The following DTWD2 variants were observed in gnomAD, a reference collection of about 807,000 sequenced individuals.
The protein encoded by DTWD2 is DTW motif tRNA-uridine aminocarboxypropyltransferase 2, also known as tRNA-uridine aminocarboxypropyltransferase 2.
A neutral mutation model predicts 31.8 loss-of-function variants in DTWD2; 39 were observed. That is an observed-to-expected ratio of 1.22 (90% CI 0.95 to 1.60). The LOEUF (loss-of-function observed/expected upper bound fraction) is 1.60. DTWD2 is among the 40% of genes most tolerant of loss of function. DTWD2 has a pLI of 0.00. For missense variants in DTWD2, 515 were observed against 381.5 expected (o/e 1.35, Z -2.92); for synonymous variants, 180 against 142.8 (o/e 1.26, Z -1.86).
intron 4 of DTWD2, among the ~76,000 whole-genome samples, chr5:118,878,845 T>A (rs1358610884): frequency 6.6e-6 from 1 of 152,084 alleles, no homozygotes; most frequent in Non-Finnish European, 1.5e-5. Flanking sequence ...ATATGAACAC[T>A]TCAAAAGAAG....
intron 4 of DTWD2, among the ~76,000 whole-genome samples, chr5:118,909,678 G>C (rs1753415851): frequency 6.6e-6 from 1 of 152,188 alleles, no homozygotes; most frequent in Non-Finnish European, 1.5e-5. Context: ...CCCAGTGCCA[G>C]ATCCATAAGC....
Position 118,839,406 on chromosome 5 carries a change from G to C in DTWD2, c.*1511C>G, listed in dbSNP as rs915533207. 6.6e-6 allele frequency: 1 copy of C among 152,130 alleles called. No homozygotes were observed. The highest frequency in any genetic ancestry group is 1.5e-5 in the Non-Finnish European group (1 of 68,032). The allele number at this position is 152,130 out of a possible 1,614,324, so 9.4% of individuals were successfully genotyped here. A position where few individuals can be genotyped will look rare whatever the true frequency, so the allele number is the denominator to read the frequency against. On this transcript the variant is annotated 3_prime_UTR_variant, in exon 6 of 6. Coordinates refer to ENST00000510708, the MANE Select transcript of DTWD2 (RefSeq NM_173666.4). ...GTCTCACTCTGTAGCCCAGGCTGGA[G>C]TGCAGTGGAATGAACATAGCTCCTT...
chr5:118,908,061 T>A (rs960023324), intron 4 of DTWD2, among the ~76,000 whole-genome samples: 1 of 152,166 alleles, frequency 6.6e-6, no homozygotes, highest in Non-Finnish European at 1.5e-5. Flanking sequence ...TGAAGATGCC[T>A]TGCACCTCTA....
chr5:118,885,108 A>G (rs1301605179), intron 4 of DTWD2, among the ~76,000 whole-genome samples: 1 of 151,556 alleles, frequency 6.6e-6, no homozygotes, highest in Non-Finnish European at 1.5e-5. Flanking sequence ...CAAGAGTTCA[A>G]GACCAGCCTC....
chr5:118,841,134 G>A (rs1483629794), intron 5 of DTWD2, 47 bp from the exon 6 acceptor site: 2 of 1,554,684 alleles, frequency 1.3e-6, no homozygotes, highest in Non-Finnish European at 1.7e-6. Context: ...GACAAATCAT[G>A]ATATTCTATC....
chr5:118,854,995 C>G (rs1035991385), intron 4 of DTWD2, among the ~76,000 whole-genome samples: 1 of 151,484 alleles, frequency 6.6e-6, no homozygotes, highest in African/African-American at 2.4e-5. Context: ...GGCAACAGGC[C>G]AGTGCCCAGG....
chr5:118,870,647 T>C (rs1561434490), intron 4 of DTWD2, among the ~76,000 whole-genome samples: 1 of 152,326 alleles, frequency 6.6e-6, no homozygotes, highest in East Asian at 1.9e-4. Flanking sequence ...CCTCCTTTGG[T>C]GGAGGGTCTT....
intron 4 of DTWD2, among the ~76,000 whole-genome samples, chr5:118,893,768 G>A (rs1446437655): frequency 6.6e-6 from 1 of 152,052 alleles, no homozygotes; most frequent in Non-Finnish European, 1.5e-5. Flanking sequence ...AATGAATGGA[G>A]AGGACCACAA....
At chr5:118,902,624 T>C (rs1016496408) in intron 4 of DTWD2, among the ~76,000 whole-genome samples, 1 of 152,114 alleles carries the variant, frequency 6.6e-6, no homozygotes, top group Non-Finnish European at 1.5e-5. Context: ...AGTAAAAGCA[T>C]GAAACTTTTT....
chr5:118,952,617 A>T (rs536801586), intron 1 of DTWD2, among the ~76,000 whole-genome samples: 1 of 152,272 alleles, frequency 6.6e-6, no homozygotes, highest in African/African-American at 2.4e-5. Flanking sequence ...CTGGATGTAA[A>T]CATGCAGGCT....
In DTWD2 at chr5:118,839,655, C is replaced by A. The variant is rs1283787511; in HGVS notation, c.*1262G>T. 1 of 152,136 alleles carries A rather than the reference C, an allele frequency of 6.6e-6. No homozygotes were observed. The highest frequency in any genetic ancestry group is 1.5e-5 in the Non-Finnish European group (1 of 68,038). The allele number at this position is 152,136 out of a possible 1,614,324, so 9.4% of individuals were successfully genotyped here. On this transcript the variant is annotated 3_prime_UTR_variant, in exon 6 of 6. Transcript: ENST00000510708. ...GGGATTACAGGTGTGAGCTAATGGGCCCAGCCCTAATTTGTTTTTAAATCC... is the reference window on the plus strand; with the variant it reads ...GGGATTACAGGTGTGAGCTAATGGGACCAGCCCTAATTTGTTTTTAAATCC...
chr5:118,928,465 CT>C (rs1753853065), intron 4 of DTWD2, 71 bp downstream of exon 4: 1 of 1,099,578 alleles, frequency 9.1e-7, no homozygotes, highest in Non-Finnish European at 1.2e-6. Context: ...ATGTGTATCC[CT>C]TCACAGAAAA....
At chr5:118,925,646 C>T (rs1252424579) in intron 4 of DTWD2, among the ~76,000 whole-genome samples, 1 of 151,854 alleles carries the variant, frequency 6.6e-6, no homozygotes, top group African/African-American at 2.4e-5. Context: ...GAAATCGAGA[C>T]CATCCTGGCT....
chr5:118,962,023 T>C (rs562683058), intron 1 of DTWD2, among the ~76,000 whole-genome samples: 2 of 152,122 alleles, frequency 1.3e-5, no homozygotes, highest in African/African-American at 2.4e-5. Context: ...GGGAGGATCA[T>C]CTGAGGTCAG....
chr5:118,931,011 A>G (rs1475133319), intron 3 of DTWD2, among the ~76,000 whole-genome samples: 1 of 152,132 alleles, frequency 6.6e-6, no homozygotes, highest in Non-Finnish European at 1.5e-5. Context: ...GTACATTTTA[A>G]ATTGGTAAGT....
rs117007243 is a variant in DTWD2 at position 118,932,096 on chromosome 5, A to G, written c.405-3367T>C. ...AAAAGCACTGCTTAGAGAGATATTC[A>G]TAGCATTAAAATGCACATTAAGAAA... On this transcript the variant is annotated intron_variant, in intron 3 of 5. Coordinates refer to ENST00000510708, the MANE Select transcript of DTWD2 (RefSeq NM_173666.4). 4.2e-3 allele frequency among the ~76,000 whole-genome samples: 636 copies of G among 152,292 alleles called. 8 individuals carry two copies. Among genetic ancestry groups the G allele is most frequent in the East Asian group, 0.03 (156 of 5,184 alleles).
chr5:118,851,362 TGG>T (rs541521683), intron 4 of DTWD2, among the ~76,000 whole-genome samples: 92 of 152,086 alleles, frequency 6.0e-4, no homozygotes, highest in African/African-American at 2.0e-3. Flanking sequence ...ATTTTACATC[TGG>T]GCCGCCGGGG....
chr5:118,966,148 T>C (rs1754843074), intron 1 of DTWD2, among the ~76,000 whole-genome samples: 1 of 152,174 alleles, frequency 6.6e-6, no homozygotes, highest in Non-Finnish European at 1.5e-5. Context: ...AAAAATACCT[T>C]AATACTATCA....
At chr5:118,905,309 G>C (rs1022200939) in intron 4 of DTWD2, among the ~76,000 whole-genome samples, 3 of 151,960 alleles carry the variant, frequency 2.0e-5, no homozygotes, top group Non-Finnish European at 4.4e-5. Flanking sequence ...TTAGCAACTG[G>C]AGGAATTGCT....
Sources: gnomAD v4.1 joint callset for allele counts (sites outside exome capture counted in the v4.1 genomes callset) on GRCh38, gnomAD v4.1.1 for gene constraint, MANE v1.5 for transcripts, NCBI Gene and HGNC (gene_info 2026-07-23, HGNC 2026-07-21) for gene names.